The following CACHD1 variants were observed in gnomAD, a reference collection of about 807,000 sequenced individuals.
CACHD1 encodes the protein cache domain containing 1, also known as VWFA and cache domain-containing protein 1.
Under a neutral mutation model 138.7 loss-of-function variants are expected in CACHD1, and 71 were observed. The ratio of observed to expected loss-of-function variants is 0.51; its 90% CI spans 0.42 to 0.62. CACHD1 has a LOEUF of 0.62. Among genes scored for constraint, CACHD1 ranks in the 20% least tolerant of loss-of-function variants. The probability of loss-of-function intolerance (pLI) is 0.00; values close to 1 mark genes in which losing one functional copy is unlikely to be tolerated. For missense variants in CACHD1, 1,389 were observed against 1,625.3 expected (o/e 0.85, Z 2.50); for synonymous variants, 578 against 591.5 (o/e 0.98, Z 0.33).
At chr1:64,674,307 T>C (rs937770934) in intron 19 of CACHD1, among the ~76,000 whole-genome samples, 2 of 152,198 alleles carry the variant, frequency 1.3e-5, no homozygotes, top group African/African-American at 2.4e-5. Flanking sequence ...CATACCATTT[T>C]GAGAAGCACT....
chr1:64,538,299 C>T (rs1646650466), intron 1 of CACHD1, among the ~76,000 whole-genome samples: 1 of 152,194 alleles, frequency 6.6e-6, no homozygotes, highest in South Asian at 2.1e-4. Flanking sequence ...AAATTTTCAT[C>T]TTAAAAAATT....
chr1:64,643,639 A>T (rs1395782294), intron 8 of CACHD1, among the ~76,000 whole-genome samples: 2 of 152,194 alleles, frequency 1.3e-5, no homozygotes, highest in Non-Finnish European at 2.9e-5. Context: ...GATCAAGACC[A>T]TCCTGGCTAA....
chr1:64,634,638 G>C (rs1648444859), intron 7 of CACHD1, among the ~76,000 whole-genome samples: 1 of 152,042 alleles, frequency 6.6e-6, no homozygotes, highest in South Asian at 2.1e-4. Flanking sequence ...ACCTGCCTTT[G>C]CCTCCCGAAG....
chr1:64,573,883 CA>C (rs1646945903), intron 2 of CACHD1, among the ~76,000 whole-genome samples: 1 of 152,194 alleles, frequency 6.6e-6, no homozygotes, highest in Non-Finnish European at 1.5e-5. Context: ...ACATGTCACA[CA>C]GTGCCCTAAA....
chr1:64,647,878 GACC>G lies in CACHD1; in HGVS notation c.1235_1237del (p.Asp412_Arg413delinsGly). The G allele has an allele frequency of 6.2e-7, 1 of 1,614,144 alleles. No homozygotes were observed. Among genetic ancestry groups the G allele is most frequent in the South Asian group, 1.1e-5 (1 of 91,066 alleles). On this transcript the variant is annotated inframe_deletion, in exon 9 of 27. Coordinates refer to ENST00000651257, the MANE Select transcript of CACHD1 (RefSeq NM_020925.4). ...GAATTCAGGGAAGTACGGTGTGCCAGACCGGATGGCCTTGCCTGTGATTAAGGG... is the reference window on the plus strand; with the variant it reads ...GAATTCAGGGAAGTACGGTGTGCCAGGGATGGCCTTGCCTGTGATTAAGGG...
chr1:64,528,707 G>A (rs914343915), intron 1 of CACHD1, among the ~76,000 whole-genome samples: 2 of 151,888 alleles, frequency 1.3e-5, no homozygotes, highest in African/African-American at 4.8e-5. Flanking sequence ...TAAAAGTAGT[G>A]GGTTACTTTT....
intron 13 of CACHD1, among the ~76,000 whole-genome samples, chr1:64,663,239 G>A (rs573299681): frequency 6.6e-6 from 1 of 150,722 alleles, no homozygotes; most frequent in Non-Finnish European, 1.5e-5. Flanking sequence ...TCCCTGAAGG[G>A]AGAGAATGTG....
chr1:64,479,337 A>C (rs1646195683), intron 1 of CACHD1, among the ~76,000 whole-genome samples: 3 of 152,188 alleles, frequency 2.0e-5, no homozygotes, highest in Non-Finnish European at 4.4e-5. Flanking sequence ...GGATGCTTGG[A>C]GAAAGTGTCA....
At chr1:64,611,756 C>G (rs1647540608) in intron 4 of CACHD1, among the ~76,000 whole-genome samples, 1 of 152,170 alleles carries the variant, frequency 6.6e-6, no homozygotes, top group Non-Finnish European at 1.5e-5. Flanking sequence ...CTTCAGAGCC[C>G]TCCAATCTCT....
intron 2 of CACHD1, among the ~76,000 whole-genome samples, chr1:64,570,795 A>G (rs1410942614): frequency 1.3e-5 from 2 of 151,808 alleles, no homozygotes; most frequent in Non-Finnish European, 2.9e-5. Context: ...TGTTGTTTCT[A>G]GCAAGTCTTA....
intron 1 of CACHD1, among the ~76,000 whole-genome samples, chr1:64,543,783 G>T (rs975641489): frequency 6.6e-6 from 1 of 150,694 alleles, no homozygotes; most frequent in Admixed American, 6.6e-5. Flanking sequence ...TATTCATGGG[G>T]TATACTTAGG....
chr1:64,668,543 C>T (rs1483503063), intron 16 of CACHD1, among the ~76,000 whole-genome samples: 2 of 152,046 alleles, frequency 1.3e-5, no homozygotes, highest in African/African-American at 2.4e-5. Context: ...ACTCCAGATT[C>T]AAATCCCTCA....
rs977827392 is a variant in CACHD1 at position 64,668,104 on chromosome 1, G to A, written c.2387+1937G>A. ...AGCACATTGGGAGGCCAAGGCAGGC[G>A]GATCATGAGGTCAGAAGTTCAAGAC... On this transcript the variant is annotated intron_variant, in intron 16 of 26. Coordinates refer to ENST00000651257, the MANE Select transcript of CACHD1 (RefSeq NM_020925.4). 6.6e-5 allele frequency among the ~76,000 whole-genome samples: 10 copies of A among 151,978 alleles called. No homozygotes were observed. In the East Asian group the frequency reaches 9.7e-4, roughly 15 times the overall value.
At chr1:64,645,257 A>G (rs554611234) in intron 8 of CACHD1, among the ~76,000 whole-genome samples, 1 of 152,302 alleles carries the variant, frequency 6.6e-6, no homozygotes, top group East Asian at 1.9e-4. Context: ...AAGATCTAGT[A>G]TTTGATAATA....
At chr1:64,599,482 G>A (rs1647192929) in intron 3 of CACHD1, among the ~76,000 whole-genome samples, 1 of 152,082 alleles carries the variant, frequency 6.6e-6, no homozygotes, top group South Asian at 2.1e-4. Flanking sequence ...ACACTGGAGA[G>A]CATCACAATT....
chr1:64,504,444 GACTT>G (rs1418145817), intron 1 of CACHD1, among the ~76,000 whole-genome samples: 1 of 152,216 alleles, frequency 6.6e-6, no homozygotes, highest in Non-Finnish European at 1.5e-5. Flanking sequence ...CACAGTCTCT[GACTT>G]AATGAATTTT....
rs1649956424 is a variant in CACHD1 at position 64,675,514 on chromosome 1, C to A, written c.2841C>A (p.Ala947=). ...GIVNETCDSL[A]FCACSMVDRL... ...TCAACGAAACCTGCGACTCTCTTGC[C>A]TTCTGTGCCTGCAGCATGGTGGACC... Residue 947 remains alanine, a synonymous_variant, in exon 20 of 27, where the codon GCC becomes GCA. Transcript: ENST00000651257. 6.2e-7 allele frequency: 1 copy of A among 1,613,352 alleles called. No individual in the cohort carries two copies. The highest frequency in any genetic ancestry group is 1.7e-5 in the Admixed American group (1 of 59,998).
At chr1:64,592,394 T>C (rs373381740) in intron 3 of CACHD1, among the ~76,000 whole-genome samples, 1 of 152,062 alleles carries the variant, frequency 6.6e-6, no homozygotes, top group African/African-American at 2.4e-5. Context: ...ATAGGACACA[T>C]GTAGAGTAAG....
At chr1:64,633,085 G>A (rs1429975733) in intron 6 of CACHD1, among the ~76,000 whole-genome samples, 1 of 152,154 alleles carries the variant, frequency 6.6e-6, no homozygotes, top group Non-Finnish European at 1.5e-5. Flanking sequence ...CTTTATGATT[G>A]CATGGCTGAC....
Sources: gnomAD v4.1 joint callset for allele counts (sites outside exome capture counted in the v4.1 genomes callset) on GRCh38, gnomAD v4.1.1 for gene constraint, MANE v1.5 for transcripts, NCBI Gene and HGNC (gene_info 2026-07-23, HGNC 2026-07-21) for gene names.